The following IQCJ variants were observed in gnomAD, a reference collection of about 807,000 sequenced individuals.
IQCJ encodes IQ domain-containing protein J.
Under a neutral mutation model 11.0 loss-of-function variants are expected in IQCJ, and 9 were observed. The observed-to-expected ratio is 0.82, with a 90% confidence interval of 0.49 to 1.43. The LOEUF is 1.43. Among genes scored for constraint, IQCJ ranks in the 40% most tolerant of loss-of-function variants. The pLI, the probability that IQCJ is intolerant of heterozygous loss-of-function variation, is 0.00. For missense variants in IQCJ, 146 were observed against 133.2 expected (o/e 1.10, Z -0.47); for synonymous variants, 55 against 51.3 (o/e 1.07, Z -0.31).
At chr3:159,089,751 G>A (rs1717098136) in intron 1 of IQCJ, among the ~76,000 whole-genome samples, 1 of 151,528 alleles carries the variant, frequency 6.6e-6, no homozygotes, top group Admixed American at 6.6e-5. Flanking sequence ...TAGTTCTAGA[G>A]CCTTGGTTTT....
intron 1 of IQCJ, among the ~76,000 whole-genome samples, chr3:159,155,348 G>C (rs1577046433): frequency 6.6e-6 from 1 of 152,220 alleles, no homozygotes; most frequent in East Asian, 1.9e-4. Flanking sequence ...GGTAGAGATG[G>C]GGTTTCACCA....
downstream of IQCJ, among the ~76,000 whole-genome samples, chr3:159,264,406 C>T (rs955372133): frequency 6.6e-6 from 1 of 152,178 alleles, no homozygotes. Context: ...ACTAACAGTT[C>T]TACTTTATTT....
At chr3:159,114,065 G>T (rs993701360) in intron 1 of IQCJ, among the ~76,000 whole-genome samples, 4 of 152,100 alleles carry the variant, frequency 2.6e-5, no homozygotes, top group African/African-American at 7.2e-5. Context: ...GAAGAAATTA[G>T]CCAGAGGTAA....
At chr3:159,137,272 A>C (rs938655463) in intron 1 of IQCJ, among the ~76,000 whole-genome samples, 1 of 150,884 alleles carries the variant, frequency 6.6e-6, no homozygotes, top group African/African-American at 2.5e-5. Flanking sequence ...GGAAAAAAAA[A>C]AAAAAAGAAA....
At chr3:159,244,508 C>T (rs970454979) in intron 1 of IQCJ, among the ~76,000 whole-genome samples, 14 of 152,144 alleles carry the variant, frequency 9.2e-5, no homozygotes, top group African/African-American at 3.1e-4. Flanking sequence ...ATATACTAGA[C>T]CTCTTTTCTG....
At chr3:159,196,021 C>T (rs1408613310) in intron 1 of IQCJ, among the ~76,000 whole-genome samples, 2 of 152,136 alleles carry the variant, frequency 1.3e-5, no homozygotes, top group Non-Finnish European at 2.9e-5. Context: ...AGTATACTTA[C>T]CCTACAATTA....
At chr3:159,166,029 C>T (rs1722148241) in intron 1 of IQCJ, among the ~76,000 whole-genome samples, 1 of 151,820 alleles carries the variant, frequency 6.6e-6, no homozygotes, top group South Asian at 2.1e-4. Context: ...GCTCATTTTC[C>T]TACTTTTCTG....
chr3:159,116,386 T>A (rs982914318), intron 1 of IQCJ, among the ~76,000 whole-genome samples: 1 of 152,036 alleles, frequency 6.6e-6, no homozygotes, highest in African/African-American at 2.4e-5. Flanking sequence ...TCTCCAACAC[T>A]GTCTCTTTTT....
intron 1 of IQCJ, among the ~76,000 whole-genome samples, chr3:159,157,170 G>T (rs1043057425): frequency 6.6e-6 from 1 of 152,148 alleles, no homozygotes; most frequent in African/African-American, 2.4e-5. Flanking sequence ...AGACTGAGAA[G>T]AAAAAATAAG....
intron 3 of IQCJ, among the ~76,000 whole-genome samples, chr3:159,261,958 G>A (rs533205160): frequency 6.6e-6 from 1 of 152,280 alleles, no homozygotes; most frequent in East Asian, 1.9e-4. Flanking sequence ...TAAAACCCAT[G>A]ATGTGGTGCT....
intron 1 of IQCJ, chr3:159,069,846 TGTG>T (rs1559972063): frequency 1.9e-3 from 120 of 64,724 alleles, no homozygotes; most frequent in African/African-American, 8.1e-3. Context: ...TCCTTTCTTG[TGTG>T]TGTGTGTGTG....
At chr3:159,149,603 G>A (rs1721099756) in intron 1 of IQCJ, among the ~76,000 whole-genome samples, 1 of 152,172 alleles carries the variant, frequency 6.6e-6, no homozygotes, top group Admixed American at 6.5e-5. Context: ...ATGGGAATAT[G>A]ATATTCCTGG....
At position 159,096,207 on chromosome 3, in the gene IQCJ, G is replaced by T. The variant is rs1157913219; in HGVS notation, c.9+26766G>T. Among the ~76,000 whole-genome samples the T allele has an allele frequency of 6.1e-3, 790 of 129,852 alleles. 19 individuals carry two copies. The highest frequency in any genetic ancestry group is 0.023 in the African/African-American group (744 of 32,804). The allele number at this position is 129,852 out of a possible 152,430, so 85.2% of individuals were successfully genotyped here. The stretch of plus-strand genomic sequence containing the variant: ...CATGTCCTTCGCCCACTTTTTGATG[G>T]GGTTGTTTGTTTTTTTCTTGTAAAT... On this transcript the variant is annotated intron_variant, in intron 1 of 3. Coordinates refer to ENST00000397832, the MANE Select transcript of IQCJ (RefSeq NM_001042706.3).
At chr3:159,239,656 T>G (rs1726794101) in intron 1 of IQCJ, among the ~76,000 whole-genome samples, 1 of 152,240 alleles carries the variant, frequency 6.6e-6, no homozygotes, top group Admixed American at 6.5e-5. Context: ...TCAGAGCAGC[T>G]TCAAGTTTGA....
chr3:159,192,933 G>A (rs1723775549), intron 1 of IQCJ, among the ~76,000 whole-genome samples: 1 of 152,178 alleles, frequency 6.6e-6, no homozygotes, highest in African/African-American at 2.4e-5. Context: ...AATGCAGCTG[G>A]TCTTAGGGTC....
intron 1 of IQCJ, among the ~76,000 whole-genome samples, chr3:159,142,363 C>T (rs530644710): frequency 1.2e-3 from 187 of 152,184 alleles, no homozygotes; most frequent in Admixed American, 1.9e-3. Flanking sequence ...GGGCTTTGTC[C>T]GTGAGAAGCT....
At chr3:159,187,799 T>A (rs917578468) in intron 1 of IQCJ, among the ~76,000 whole-genome samples, 1 of 152,216 alleles carries the variant, frequency 6.6e-6, no homozygotes, top group African/African-American at 2.4e-5. Flanking sequence ...TGACGCCCCA[T>A]AATTCTCACA....
chr3:159,217,508 T>A (rs1725298712), intron 1 of IQCJ, among the ~76,000 whole-genome samples: 1 of 152,156 alleles, frequency 6.6e-6, no homozygotes, highest in African/African-American at 2.4e-5. Flanking sequence ...TCTTTATTAT[T>A]TGGGAATAAT....
intron 1 of IQCJ, among the ~76,000 whole-genome samples, chr3:159,076,604 T>A (rs1715934450): frequency 6.6e-6 from 1 of 152,072 alleles, no homozygotes; most frequent in African/African-American, 2.4e-5. Context: ...CCAGTGCACA[T>A]CCCCTTGCTG....
Sources: allele counts gnomAD v4.1 joint callset (sites outside exome capture counted in the v4.1 genomes callset), GRCh38; gene constraint gnomAD v4.1.1; transcripts MANE v1.5; gene names NCBI Gene and HGNC (gene_info 2026-07-23, HGNC 2026-07-21).